Variants in HDAC7 observed in about 807,000 individuals in gnomAD.
The protein encoded by HDAC7 is histone deacetylase 7.
A neutral mutation model predicts 115.5 loss-of-function variants in HDAC7; 26 were observed. The ratio of observed to expected loss-of-function variants is 0.23; its 90% CI spans 0.16 to 0.31. The LOEUF is 0.31. Ranked by LOEUF, HDAC7 falls within the 10% of genes least tolerant of loss-of-function variation. The probability of loss-of-function intolerance (pLI) is 1.00; values close to 1 mark genes in which losing one functional copy is unlikely to be tolerated. For missense variants in HDAC7, 1,068 were observed against 1,329.0 expected (o/e 0.80, Z 3.05); for synonymous variants, 564 against 550.9 (o/e 1.02, Z -0.33).
chr12:47,786,097 G>C lies in HDAC7; in HGVS notation c.2573-212C>G, dbSNP rs572637489. 9.3e-6 allele frequency: 5 copies of C among 539,042 alleles called. No homozygotes were observed. In the South Asian group the frequency reaches 1.4e-4, roughly 15 times the overall value. 33.4% of individuals were successfully genotyped at this position (539,042 alleles called of 1,614,324 possible). ...AGGGAGGTTAAGGGCCTTGGGAAAG[G>C]CCCCACAGCTAGTAAGTGGCAGCAA... On this transcript the variant is annotated intron_variant, in intron 22 of 25. Transcript: ENST00000080059.
At chr12:47,806,945 CTT>C (rs71077176) in intron 1 of HDAC7, among the ~76,000 whole-genome samples, 2 of 144,834 alleles carry the variant, frequency 1.4e-5, no homozygotes, top group Admixed American at 6.9e-5. Context: ...CTCTCTCTCT[CTT>C]TTTTTTTTTT....
rs1412199592 is a variant in HDAC7 at position 47,797,048 on chromosome 12, G to C, written c.672C>G (p.Ser224Arg). The stretch of plus-strand genomic sequence containing the variant: ...GGGTCTCTGCGGGCCGCCGCCGGAG[G>C]CTGGGGGGCGCACTCTCCTTTCGGA... ...PLLRKESAPPSLRRRPAETLG... is the reference protein window; with the variant it reads ...PLLRKESAPPRLRRRPAETLG... Residue 224 changes from serine to arginine, a missense_variant, in exon 7 of 26, where the codon AGC (serine) becomes AGG (arginine). Ser to Arg is a moderately radical substitution (Grantham distance 110). Transcript: ENST00000080059. This position sits in a 1 kb window ranked among gnomAD's most constrained non-coding sequence, Gnocchi z 5.5. 2.5e-6 allele frequency: 4 copies of C among 1,594,004 alleles called. No individual in the cohort carries two copies. Among genetic ancestry groups the C allele is most frequent in the Middle Eastern group, 1.7e-4 (1 of 5,902 alleles).
At chr12:47,788,357 G>C (rs1943289791) in intron 19 of HDAC7, 193 bp from the exon 20 acceptor site, 1 of 535,460 alleles carries the variant, frequency 1.9e-6, no homozygotes, top group African/African-American at 1.9e-5. Context: ...CGGCCTCTCT[G>C]TGCTGGACAG....
At chr12:47,805,477 C>T (rs1196472332) in intron 1 of HDAC7, among the ~76,000 whole-genome samples, 2 of 152,232 alleles carry the variant, frequency 1.3e-5, no homozygotes, top group African/African-American at 4.8e-5. Context: ...GGGTTCAGAG[C>T]TGACTCCCTT....
At chr12:47,791,404 T>TG (rs1943496795) in intron 15 of HDAC7, 96 bp from the exon 16 acceptor site, 7 of 1,403,884 alleles carry the variant, frequency 5.0e-6, no homozygotes, top group Non-Finnish European at 6.7e-6. Flanking sequence ...GGGTGAGTAT[T>TG]GGGGGAGAGA....
rs1296658694 is a variant in HDAC7, at chr12:47,798,485, C to A, written c.349+77G>T. 7.4e-7 allele frequency: 1 copy of A among 1,352,134 alleles called. No individual in the cohort carries two copies. The highest frequency in any genetic ancestry group is 1.4e-5 in the African/African-American group (1 of 70,204). The allele number at this position is 1,352,134 out of a possible 1,614,324, so 83.8% of individuals were successfully genotyped here. Reference sequence around the variant, plus strand: ...AGCTGGCTGCGGCCCTCCCACCTCACCCCTCACAAGCCACACAGGCAGCCG... The same window carrying A: ...AGCTGGCTGCGGCCCTCCCACCTCAACCCTCACAAGCCACACAGGCAGCCG... On this transcript the variant is annotated intron_variant, in intron 4 of 25. Transcript: ENST00000080059. The surrounding 1 kb of genome is among the most constrained non-coding windows in gnomAD (Gnocchi z 4.3).
In HDAC7 at chr12:47,798,356, C is replaced by T; in HGVS notation, c.350-137G>A. On this transcript the variant is annotated intron_variant, in intron 4 of 25. Coordinates refer to ENST00000080059, the MANE Select transcript of HDAC7 (RefSeq NM_015401.5). The surrounding 1 kb of genome is among the most constrained non-coding windows in gnomAD (Gnocchi z 4.3). ...CTAGGCAAGAGCCAAGCCCGAGGCC[C>T]TACCCCTCCCTAGAGCCTCCAGACA... is the stretch of plus-strand genomic sequence containing the variant. 1.2e-6 allele frequency: 1 copy of T among 802,810 alleles called. No homozygotes were observed. The highest frequency in any genetic ancestry group is 2.1e-6 in the Non-Finnish European group (1 of 484,852). 49.7% of individuals were successfully genotyped at this position (802,810 alleles called of 1,614,324 possible).
At position 47,812,643 on chromosome 12, in the gene HDAC7, G is replaced by A. The variant is rs78700260; in HGVS notation, c.19+7124C>T. ...CCATTCCTCCCTCTGCGTCCTTACA[G>A]GAAGCTCTCCTGCCAGGCTTTGCCA... On this transcript the variant is annotated intron_variant, in intron 1 of 25. Coordinates refer to ENST00000080059, the MANE Select transcript of HDAC7 (RefSeq NM_015401.5). Among the ~76,000 whole-genome samples the A allele has an allele frequency of 4.8e-3, 732 of 152,230 alleles. 4 individuals are homozygous for A. The highest frequency in any genetic ancestry group is 0.016 in the African/African-American group (684 of 41,532).
chr12:47,791,421 G>A lies in HDAC7; in HGVS notation c.1934-113C>T, dbSNP rs913777019. ...GTGAGTATTGGGGGAGAGAAATATG[G>A]AAGGGAGAGGTGGAGGTGGGCTGAG... On this transcript the variant is annotated intron_variant, in intron 15 of 25. Coordinates refer to ENST00000080059, the MANE Select transcript of HDAC7 (RefSeq NM_015401.5). 5 of 1,375,444 alleles carry A rather than the reference G, an allele frequency of 3.6e-6. No homozygotes were observed. In the African/African-American group the frequency reaches 5.8e-5, roughly 16 times the overall value. 85.2% of individuals were successfully genotyped at this position (1,375,444 alleles called of 1,614,324 possible).
At chr12:47,807,227 A>G (rs1387437324) in intron 1 of HDAC7, among the ~76,000 whole-genome samples, 1 of 152,012 alleles carries the variant, frequency 6.6e-6, no homozygotes, top group East Asian at 1.9e-4. Context: ...GGCGTGAGCC[A>G]CCGTGCCCAG....
chr12:47,796,427 T>A, intron 7 of HDAC7, 129 bp from the exon 8 acceptor site: 2 of 138,702 alleles, frequency 1.4e-5, no homozygotes, highest in Non-Finnish European at 1.3e-5. Flanking sequence ...TCCTGCTTTC[T>A]TTTTTTTTTT....
At chr12:47,794,729 C>G (rs760198638) in intron 12 of HDAC7, 31 bp downstream of exon 12, 4 of 1,535,170 alleles carry the variant, frequency 2.6e-6, no homozygotes, top group Non-Finnish European at 3.5e-6. Flanking sequence ...TCTGAGGACA[C>G]TTTCTGAGGG....
At chr12:47,820,128 A>G (rs1368406418), upstream of HDAC7, 3 of 151,014 alleles carry the variant, frequency 2.0e-5, no homozygotes, top group East Asian at 5.9e-4. The surrounding 1 kb of genome is among the most constrained non-coding windows in gnomAD (Gnocchi z 4.3). Flanking sequence ...GGCGCGGCGC[A>G]CTGCCGGGGA....
chr12:47,788,888 A>G (rs961102250), intron 19 of HDAC7: 2 of 194,124 alleles, frequency 1.0e-5, no homozygotes, highest in African/African-American at 4.7e-5. Context: ...GTGTAAAACC[A>G]TCAGTGTCTG....
rs9859 is a variant in HDAC7, at chr12:47,783,117, T to G, written c.*724A>C. The G allele has an allele frequency of 0.79, 120,015 of 152,470 alleles. 47,488 individuals are homozygous for G. The highest frequency in any genetic ancestry group is 0.92 in the East Asian group (4,762 of 5,170). 9.4% of individuals were successfully genotyped at this position (152,470 alleles called of 1,614,324 possible). A position where few individuals can be genotyped will look rare whatever the true frequency, so the allele number is the denominator to read the frequency against. On this transcript the variant is annotated 3_prime_UTR_variant, in exon 26 of 26. Coordinates refer to ENST00000080059, the MANE Select transcript of HDAC7 (RefSeq NM_015401.5). ...GGTCCCAGGGGTATGCTGCGCTTCT[T>G]GGGGAGATGAAGGGTTTGGCACCAT...
At chr12:47,812,271 C>T (rs1162216769) in intron 1 of HDAC7, among the ~76,000 whole-genome samples, 1 of 152,212 alleles carries the variant, frequency 6.6e-6, no homozygotes, top group African/African-American at 2.4e-5. Context: ...CTGGCTGTTC[C>T]AGGCCGCGAT....
intron 1 of HDAC7, among the ~76,000 whole-genome samples, chr12:47,815,828 C>G (rs1024247387): frequency 6.6e-6 from 1 of 151,478 alleles, no homozygotes; most frequent in African/African-American, 2.4e-5. Flanking sequence ...CCAGGCTCGT[C>G]TCGAACTCCT....
chr12:47,815,858 GT>G (rs1402110559), intron 1 of HDAC7, among the ~76,000 whole-genome samples: 1 of 147,514 alleles, frequency 6.8e-6, no homozygotes, highest in African/African-American at 2.5e-5. Context: ...TGATCTGCCT[GT>G]TTCAGCCTCC....
intron 13 of HDAC7, 110 bp from the exon 14 acceptor site, chr12:47,792,114 C>G: frequency 1.2e-5 from 15 of 1,298,456 alleles, no homozygotes; most frequent in South Asian, 7.4e-5. Context: ...TGGAGCCGGG[C>G]GGGTACACAC....
Sources: allele counts gnomAD v4.1 joint callset (sites outside exome capture counted in the v4.1 genomes callset), GRCh38; gene constraint gnomAD v4.1.1; non-coding constraint Gnocchi (gnomAD v3.1); transcripts MANE v1.5; gene names NCBI Gene and HGNC (gene_info 2026-07-23, HGNC 2026-07-21).